GALNT13: variants seen among roughly 807,000 people sequenced by gnomAD.
The protein encoded by GALNT13 is polypeptide N-acetylgalactosaminyltransferase 13, also known as UDP-GalNAc:polypeptide N-acetylgalactosaminyltransferase 13.
In GALNT13, 28 loss-of-function variants were observed where a neutral mutation model predicts 64.2. The ratio of observed to expected loss-of-function variants is 0.44; its 90% CI spans 0.32 to 0.60. The LOEUF (loss-of-function observed/expected upper bound fraction) is 0.60. Among genes scored for constraint, GALNT13 ranks in the 20% least tolerant of loss-of-function variants. The pLI is 0.05. For missense variants in GALNT13, 577 were observed against 669.8 expected (o/e 0.86, Z 1.53); for synonymous variants, 214 against 224.6 (o/e 0.95, Z 0.42).
intron 3 of GALNT13, among the ~76,000 whole-genome samples, chr2:153,961,480 T>A (rs201890966): frequency 9.5e-6 from 1 of 105,614 alleles, no homozygotes; most frequent in East Asian, 2.8e-3. Context: ...AATGCATTAG[T>A]TAGTGTAAAG....
intron 3 of GALNT13, among the ~76,000 whole-genome samples, chr2:153,956,400 T>C (rs1692572886): frequency 6.6e-6 from 1 of 152,222 alleles, no homozygotes; most frequent in Admixed American, 6.5e-5. Context: ...AAAAAGCCTG[T>C]TATAGACAGT....
the GALNT13 span, among the ~76,000 whole-genome samples, chr2:153,696,528 T>C: frequency 6.6e-6 from 1 of 152,096 alleles, no homozygotes. Flanking sequence ...CTAAGTTTTT[T>C]CCTATACATA....
At chr2:154,043,330 A>C (rs1356689485) in intron 3 of GALNT13, among the ~76,000 whole-genome samples, 1 of 150,640 alleles carries the variant, frequency 6.6e-6, no homozygotes, top group Non-Finnish European at 1.5e-5. Flanking sequence ...GGATGCATAC[A>C]GTGTTTGTCC....
chr2:154,177,936 A>G (rs1021115545), intron 4 of GALNT13, among the ~76,000 whole-genome samples: 2 of 152,148 alleles, frequency 1.3e-5, no homozygotes, highest in Non-Finnish European at 2.9e-5. Flanking sequence ...TAAGAATTTG[A>G]TTTATATACT....
the GALNT13 span, among the ~76,000 whole-genome samples, chr2:153,291,082 A>G: frequency 2.0e-5 from 3 of 152,182 alleles, no homozygotes; most frequent in Non-Finnish European, 4.4e-5. Flanking sequence ...AACAAAGTTG[A>G]TCTCTGTGGA....
the GALNT13 span, among the ~76,000 whole-genome samples, chr2:153,795,160 A>G: frequency 6.6e-6 from 1 of 152,194 alleles, no homozygotes; most frequent in Non-Finnish European, 1.5e-5. Flanking sequence ...AAATAATTGC[A>G]CTAGAAATAT....
At chr2:153,201,940 A>ATTCCACAGGATGGCCCCTC in the GALNT13 span, among the ~76,000 whole-genome samples, 1 of 147,260 alleles carries the variant, frequency 6.8e-6, no homozygotes, top group African/African-American at 2.5e-5. Context: ...CACTATTAAT[A>ATTCCACAGGATGGCCCCTC]TTCCACAGGA....
At chr2:153,867,890 G>A (rs1383251193), upstream of GALNT13, among the ~76,000 whole-genome samples, 2 of 152,126 alleles carry the variant, frequency 1.3e-5, no homozygotes, top group African/African-American at 4.8e-5. Context: ...GAGCAATGAG[G>A]AGTGGCTATA....
intron 3 of GALNT13, among the ~76,000 whole-genome samples, chr2:154,001,063 G>T (rs1413953529): frequency 1.3e-5 from 2 of 151,758 alleles, no homozygotes; most frequent in East Asian, 1.9e-4. Flanking sequence ...TGATATTGTT[G>T]TCATTCCTCT....
the GALNT13 span, among the ~76,000 whole-genome samples, chr2:153,587,672 T>G: frequency 6.6e-6 from 1 of 152,200 alleles, no homozygotes; most frequent in African/African-American, 2.4e-5. Context: ...GAATTCAAGA[T>G]GAGATTTGGG....
chr2:153,409,358 G>A, the GALNT13 span, among the ~76,000 whole-genome samples: 6 of 148,286 alleles, frequency 4.0e-5, no homozygotes, highest in Non-Finnish European at 8.9e-5. Context: ...ATATGTATAT[G>A]TATATATTCA....
chr2:154,021,514 G>T (rs1353022570), intron 3 of GALNT13, among the ~76,000 whole-genome samples: 3 of 152,234 alleles, frequency 2.0e-5, no homozygotes, highest in East Asian at 3.9e-4. Context: ...TCTGTTATTG[G>T]TGTATAAGAA....
intron 3 of GALNT13, among the ~76,000 whole-genome samples, chr2:153,989,428 A>G (rs16824462): frequency 0.053 from 7,985 of 152,022 alleles, 285 homozygotes; most frequent in South Asian, 0.11. Context: ...CAATCATGAT[A>G]TATATGTGGT....
At chr2:153,519,229 C>A in the GALNT13 span, among the ~76,000 whole-genome samples, 1 of 152,114 alleles carries the variant, frequency 6.6e-6, no homozygotes, top group East Asian at 1.9e-4. Context: ...TAATAATTCA[C>A]AGGGTTGATA....
the GALNT13 span, among the ~76,000 whole-genome samples, chr2:153,557,830 A>G: frequency 1.3e-5 from 2 of 152,218 alleles, no homozygotes; most frequent in African/African-American, 4.8e-5. Context: ...TTGTACTTAT[A>G]ACCTATCTGA....
At chr2:153,611,488 C>A in the GALNT13 span, among the ~76,000 whole-genome samples, 3 of 151,976 alleles carry the variant, frequency 2.0e-5, no homozygotes, top group Admixed American at 2.0e-4. Context: ...CCAGCCTCAG[C>A]CTCCTGAATA....
At chr2:153,581,131 T>G in the GALNT13 span, among the ~76,000 whole-genome samples, 1 of 152,120 alleles carries the variant, frequency 6.6e-6, no homozygotes, top group Admixed American at 6.6e-5. Flanking sequence ...TACCTTAGTT[T>G]TGAACAGTAT....
the GALNT13 span, among the ~76,000 whole-genome samples, chr2:153,341,442 T>C: frequency 6.6e-6 from 1 of 152,230 alleles, no homozygotes; most frequent in African/African-American, 2.4e-5. Context: ...TACAATTAGC[T>C]CTTTGCAACT....
the GALNT13 span, among the ~76,000 whole-genome samples, chr2:153,778,895 T>TA: frequency 6.6e-6 from 1 of 152,218 alleles, no homozygotes; most frequent in African/African-American, 2.4e-5. Flanking sequence ...TGTTAATTTA[T>TA]ATAGCAAAGT....
Sources: allele counts gnomAD v4.1 joint callset (sites outside exome capture counted in the v4.1 genomes callset), GRCh38; gene constraint gnomAD v4.1.1; transcripts MANE v1.5; gene names NCBI Gene and HGNC (gene_info 2026-07-23, HGNC 2026-07-21).